Variants in TFIP11 observed in about 807,000 individuals in gnomAD.
TFIP11 encodes the protein tuftelin interacting protein 11, also known as tuftelin-interacting protein 11.
Under a neutral mutation model 96.8 loss-of-function variants are expected in TFIP11, and 86 were observed. The ratio of observed to expected loss-of-function variants is 0.89; its 90% CI spans 0.75 to 1.06. The LOEUF is 1.06. TFIP11 is among the 50% of genes least tolerant of loss of function. TFIP11 has a pLI of 0.00. For synonymous variants in TFIP11, 405 were observed against 395.2 expected, an observed-to-expected ratio of 1.02 and a Z score of -0.29; for missense variants, 881 against 1,076.7, an observed-to-expected ratio of 0.82 and a Z score of 2.54.
chr22:26,493,078 G>C (rs1041348949), intron 14 of TFIP11: 4 of 151,518 alleles, frequency 2.6e-5, no homozygotes, highest in African/African-American at 4.9e-5. Flanking sequence ...CTAGGCTGGA[G>C]TGCAGTGCTT....
At chr22:26,501,532 C>A (rs972541428) in intron 8 of TFIP11, among the ~76,000 whole-genome samples, 1 of 151,746 alleles carries the variant, frequency 6.6e-6, no homozygotes, top group Non-Finnish European at 1.5e-5. Context: ...TCTGGAATTA[C>A]GTGCTCATTA....
At chr22:26,494,384 T>TTAGTATCACAGTCCA in intron 13 of TFIP11, 80 bp from the exon 14 acceptor site, 1 of 1,538,116 alleles carries the variant, frequency 6.5e-7, no homozygotes, top group Non-Finnish European at 9.0e-7. Flanking sequence ...TTGTTTTGTT[T>TTAGTATCACAGTCCA]TGATCCTGGT....
chr22:26,495,915 C>T (rs868591138), intron 12 of TFIP11, among the ~76,000 whole-genome samples, 158 bp downstream of exon 12: 2 of 152,108 alleles, frequency 1.3e-5, no homozygotes, highest in Non-Finnish European at 2.9e-5. Context: ...CATTTATGTT[C>T]AGCCTCTGAA....
chr22:26,499,198 T>C lies in TFIP11; in HGVS notation c.1235A>G (p.Tyr412Cys), dbSNP rs1278453677. ...ACGGTCGGACATCCTGTACTCCTCA[T>C]AGTACTTGTCCTGCAGGGTTTCGAA... The part of the protein sequence containing the change: ...RIFETLQDKY[Y>C]EEYRMSDRVD... The change falls in exon 9 of 15, where the codon TAT (tyrosine) becomes TGT (cysteine). Residue 412 changes from tyrosine to cysteine, a missense_variant. Transcript: ENST00000407690. 3.7e-6 allele frequency: 6 copies of C among 1,613,636 alleles called. No homozygotes were observed. Among genetic ancestry groups the C allele is most frequent in the Admixed American group, 1.7e-5 (1 of 59,950 alleles).
rs759222648 is a variant in TFIP11 at position 26,496,779 on chromosome 22, G to C, written c.1547C>G (p.Pro516Arg). 1.2e-6 allele frequency: 2 copies of C among 1,614,022 alleles called. No homozygotes were observed. The highest frequency in any genetic ancestry group is 1.3e-5 in the African/African-American group (1 of 74,900). Reference sequence around the variant, plus strand: ...CAGTATGTTATCTAAGATCCACACAGGAATAATGTGCACCCAACTATCCAA... The same window carrying C: ...CAGTATGTTATCTAAGATCCACACACGAATAATGTGCACCCAACTATCCAA... ...DFLDSWVHII[P>R]VWILDNILDQ... The change falls in exon 11 of 15, where the codon CCT (proline) becomes CGT (arginine). Residue 516 changes from proline to arginine, a missense_variant. Physicochemically the swap from Pro to Arg is moderately radical, Grantham distance 103 (BLOSUM62 -2). Transcript: ENST00000407690.
At chr22:26,511,313 G>C (rs577178824) in intron 2 of TFIP11, 1 of 144,416 alleles carries the variant, frequency 6.9e-6, no homozygotes, top group Admixed American at 7.0e-5. Flanking sequence ...TTGCCGTGCT[G>C]GCAGCTGATT....
intron 8 of TFIP11, among the ~76,000 whole-genome samples, chr22:26,500,413 C>A (rs1156930876): frequency 6.6e-6 from 1 of 152,212 alleles, no homozygotes; most frequent in South Asian, 2.1e-4. Flanking sequence ...TTGTGATCCG[C>A]CTGCCTCAGC....
At chr22:26,512,347 C>T (rs1228948805) in intron 1 of TFIP11, 47 bp downstream of exon 1, 1 of 152,304 alleles carries the variant, frequency 6.6e-6, no homozygotes, top group Non-Finnish European at 1.5e-5. Context: ...GAGCCTTCGT[C>T]CCTACTCTCA....
At chr22:26,507,556 G>A (rs2147147133) in intron 4 of TFIP11, among the ~76,000 whole-genome samples, 1 of 151,160 alleles carries the variant, frequency 6.6e-6, no homozygotes, top group African/African-American at 2.4e-5. Flanking sequence ...CTTGAGCCCA[G>A]GAAGTTGAAG....
At chr22:26,495,513 TTTA>T (rs1439379496) in intron 12 of TFIP11, among the ~76,000 whole-genome samples, 1 of 151,480 alleles carries the variant, frequency 6.6e-6, no homozygotes, top group Non-Finnish European at 1.5e-5. Flanking sequence ...AAAGGTCAAA[TTTA>T]AGCTCCCGAC....
At chr22:26,496,996 G>A in intron 10 of TFIP11, 107 bp from the exon 11 acceptor site, 1 of 1,344,496 alleles carries the variant, frequency 7.4e-7, no homozygotes. Flanking sequence ...GCAACAGCAT[G>A]GAAATCCAAT....
rs202102148 is a variant in TFIP11 at position 26,491,544 on chromosome 22, T to G, written c.*469A>C. Reference sequence around the variant, plus strand: ...ATTTAATGATACCTCTGTCCACTGGTTCCCTGTGCAAAAGCTAGAACAGCT... The same window carrying G: ...ATTTAATGATACCTCTGTCCACTGGGTCCCTGTGCAAAAGCTAGAACAGCT... On this transcript the variant is annotated 3_prime_UTR_variant, in exon 15 of 15. Transcript: ENST00000407690. 5.3e-5 allele frequency: 86 copies of G among 1,614,154 alleles called. No homozygotes were observed. The African/African-American group carries it at 1.0e-3, about 20-fold the overall frequency.
At chr22:26,497,302 G>A (rs570264224) in intron 10 of TFIP11, among the ~76,000 whole-genome samples, 4 of 152,098 alleles carry the variant, frequency 2.6e-5, no homozygotes, top group Middle Eastern at 3.2e-3. Flanking sequence ...GTTCTCTATC[G>A]CTGTACCTGG....
At chr22:26,496,460 A>G (rs1243171485) in intron 11 of TFIP11, 144 bp from the exon 12 acceptor site, 1 of 1,166,954 alleles carries the variant, frequency 8.6e-7, no homozygotes, top group Non-Finnish European at 1.2e-6. Flanking sequence ...CCAAACAAAT[A>G]TGCCCATCCA....
At chr22:26,504,743 A>T (rs1923203899) in intron 6 of TFIP11, among the ~76,000 whole-genome samples, 1 of 152,086 alleles carries the variant, frequency 6.6e-6, no homozygotes, top group Admixed American at 6.6e-5. Flanking sequence ...TTTTTCATGT[A>T]CCTAATGTTT....
intron 4 of TFIP11, among the ~76,000 whole-genome samples, chr22:26,508,638 A>G (rs551250450): frequency 4.9e-4 from 75 of 152,158 alleles, no homozygotes; most frequent in African/African-American, 1.6e-3. Flanking sequence ...GGCGGATGAC[A>G]AGGTCAAGAG....
chr22:26,494,049 A>G (rs1921592884), intron 14 of TFIP11, 90 bp downstream of exon 14: 12 of 1,480,046 alleles, frequency 8.1e-6, no homozygotes, highest in Non-Finnish European at 9.2e-7. Flanking sequence ...GGCTGCCTAC[A>G]GGAACCAGAA....
intron 8 of TFIP11, among the ~76,000 whole-genome samples, chr22:26,500,326 C>T (rs1922622952): frequency 6.6e-6 from 1 of 152,088 alleles, no homozygotes; most frequent in African/African-American, 2.4e-5. Flanking sequence ...CCCGTCACTA[C>T]ACTTGGCTAA....
intron 12 of TFIP11, 30 bp from the exon 13 acceptor site, chr22:26,494,969 A>G: frequency 6.2e-7 from 1 of 1,613,928 alleles, no homozygotes; most frequent in Non-Finnish European, 8.5e-7. Flanking sequence ...TGTAAGGCAC[A>G]GCTTTAGTAC....
Sources: gnomAD v4.1 joint callset for allele counts (sites outside exome capture counted in the v4.1 genomes callset) on GRCh38, gnomAD v4.1.1 for gene constraint, MANE v1.5 for transcripts, NCBI Gene and HGNC (gene_info 2026-07-23, HGNC 2026-07-21) for gene names.